The following CDC73 variants were observed in gnomAD, a reference collection of about 807,000 sequenced individuals.
The protein encoded by CDC73 is cell division cycle 73.
CDC73 carries 21 observed loss-of-function variants against 83.7 expected under a neutral mutation model. That is an observed-to-expected ratio of 0.25 (90% confidence interval 0.18 to 0.36). CDC73 has a LOEUF of 0.36. CDC73 is among the 10% of genes least tolerant of loss of function. CDC73 has a pLI of 1.00. For missense variants in CDC73, 342 were observed against 653.3 expected (o/e 0.52, Z 5.19); for synonymous variants, 224 against 212.9 (o/e 1.05, Z -0.45).
Position 193,233,172 on chromosome 1 carries a change from T to G in CDC73, c.1316+18T>G, listed in dbSNP as rs1034925815. ...CAAGACTGGTAAGATAGTCTCTATA[T>G]ATATATCTTTTCACAGGTGTTGAAC... On this transcript the variant is annotated intron_variant, in intron 14 of 16. Transcript: ENST00000367435. 1 of 1,595,526 alleles carries G rather than the reference T, an allele frequency of 6.3e-7. No homozygotes were observed. The highest frequency in any genetic ancestry group is 1.7e-5 in the Admixed American group (1 of 59,984).
At position 193,122,166 on chromosome 1, in the gene CDC73, G is replaced by C. The variant is rs771935630; in HGVS notation, c.-35G>C. On this transcript the variant is annotated 5_prime_UTR_variant, in exon 1 of 17. Transcript: ENST00000367435. ...AGGAGGCAGGCGCGGCGGCAGCGGC[G>C]GCGCCCCGAGCCGGCGGAGGCGAGG... 6.2e-7 allele frequency: 1 copy of C among 1,605,416 alleles called. No individual in the cohort carries two copies. The highest frequency in any genetic ancestry group is 8.5e-7 in the Non-Finnish European group (1 of 1,173,034).
intron 9 of CDC73, among the ~76,000 whole-genome samples, chr1:193,151,380 T>C (rs1022687734): frequency 1.3e-5 from 2 of 152,212 alleles, no homozygotes; most frequent in African/African-American, 4.8e-5. Context: ...TCTTGAGGAA[T>C]GAATTATATA....
At chr1:193,164,372 A>T (rs143989523) in intron 10 of CDC73, among the ~76,000 whole-genome samples, 19 of 152,326 alleles carry the variant, frequency 1.2e-4, no homozygotes, top group Middle Eastern at 6.8e-3. Context: ...GCCCAGAGAA[A>T]GGCTGAGAAA....
chr1:193,176,562 A>C (rs1342379438), intron 10 of CDC73, among the ~76,000 whole-genome samples: 2 of 152,204 alleles, frequency 1.3e-5, no homozygotes, highest in Non-Finnish European at 2.9e-5. Flanking sequence ...TTTCTATCCC[A>C]TTTTAGTATT....
At position 193,146,645 on chromosome 1, in the gene CDC73, G is replaced by C. The variant is rs72731072; in HGVS notation, c.730-1222G>C. Among the ~76,000 whole-genome samples, 743 of 152,204 alleles carry C rather than the reference G, an allele frequency of 4.9e-3. 2 individuals carry two copies. The highest frequency in any genetic ancestry group is 7.8e-3 in the Non-Finnish European group (527 of 67,998). On this transcript the variant is annotated intron_variant, in intron 7 of 16. Coordinates refer to ENST00000367435, the MANE Select transcript of CDC73 (RefSeq NM_024529.5). ...TGACCTACCTAATCACCTCCTAAAG[G>C]CTCCACCTCCTAATACTATTAGAAT...
chr1:193,134,219 A>G (rs937136194), intron 3 of CDC73, among the ~76,000 whole-genome samples: 10 of 152,152 alleles, frequency 6.6e-5, no homozygotes, highest in Admixed American at 5.2e-4. Context: ...CTATATGTAC[A>G]TTTATATATT....
At chr1:193,189,039 T>C (rs186519029) in intron 10 of CDC73, among the ~76,000 whole-genome samples, 20 of 151,860 alleles carry the variant, frequency 1.3e-4, no homozygotes, top group Admixed American at 3.9e-4. Flanking sequence ...CTGCAACCTC[T>C]GCTTCCCAGG....
intron 3 of CDC73, among the ~76,000 whole-genome samples, chr1:193,131,977 T>A (rs1336227256): frequency 6.6e-6 from 1 of 152,210 alleles, no homozygotes; most frequent in African/African-American, 2.4e-5. Context: ...AGAAGGTAAA[T>A]CCTAAGGGGA....
intron 10 of CDC73, among the ~76,000 whole-genome samples, chr1:193,175,494 C>T (rs546592151): frequency 4.1e-4 from 63 of 152,174 alleles, no homozygotes; most frequent in African/African-American, 5.5e-4. Context: ...ACTTCATATC[C>T]GTGGGTTCCA....
At chr1:193,175,999 TA>T (rs938078125) in intron 10 of CDC73, among the ~76,000 whole-genome samples, 5 of 152,230 alleles carry the variant, frequency 3.3e-5, no homozygotes, top group South Asian at 4.1e-4. Context: ...AGATTGTAGT[TA>T]TTTTTTTTTC....
At chr1:193,183,815 T>C (rs1038967676) in intron 10 of CDC73, among the ~76,000 whole-genome samples, 2 of 151,930 alleles carry the variant, frequency 1.3e-5, no homozygotes, top group East Asian at 3.8e-4. Flanking sequence ...TCTGCTGATA[T>C]GATAATACTT....
chr1:193,221,035 G>GTA (rs1168904013), intron 13 of CDC73, among the ~76,000 whole-genome samples: 1 of 152,134 alleles, frequency 6.6e-6, no homozygotes, highest in African/African-American at 2.4e-5. Context: ...CAGTCTGTCT[G>GTA]TAGTCTTTCC....
rs72722405 is a variant in CDC73, at chr1:193,166,262, G to A, written c.972+13818G>A. 3.9e-3 allele frequency among the ~76,000 whole-genome samples: 594 copies of A among 151,986 alleles called. 3 individuals carry two copies. The highest frequency in any genetic ancestry group is 0.015 in the Admixed American group (230 of 15,224). On this transcript the variant is annotated intron_variant, in intron 10 of 16. Transcript: ENST00000367435. ...AGCTCATTGCAGCCTTTATTTCCTGGGCTCAATCACTGCTCCCACCTCAGC... is the reference window on the plus strand; with the variant it reads ...AGCTCATTGCAGCCTTTATTTCCTGAGCTCAATCACTGCTCCCACCTCAGC...
At chr1:193,234,046 TAAG>T (rs1351047294) in intron 14 of CDC73, among the ~76,000 whole-genome samples, 2 of 150,020 alleles carry the variant, frequency 1.3e-5, no homozygotes, top group Non-Finnish European at 3.0e-5. Flanking sequence ...AAAATTTTCT[TAAG>T]AAAATTGCAA....
At chr1:193,149,970 G>T (rs1409989979) in intron 8 of CDC73, among the ~76,000 whole-genome samples, 1 of 152,156 alleles carries the variant, frequency 6.6e-6, no homozygotes, top group Non-Finnish European at 1.5e-5. Context: ...TTGCAGGGAA[G>T]AGTATTATGT....
intron 7 of CDC73, among the ~76,000 whole-genome samples, chr1:193,142,760 A>G (rs915897781): frequency 6.6e-6 from 1 of 152,160 alleles, no homozygotes; most frequent in Non-Finnish European, 1.5e-5. Flanking sequence ...GTATATAGCC[A>G]AAGGATTAAT....
At chr1:193,230,859 C>T (rs1031183543) in intron 13 of CDC73, among the ~76,000 whole-genome samples, 1 of 152,080 alleles carries the variant, frequency 6.6e-6, no homozygotes, top group African/African-American at 2.4e-5. Flanking sequence ...CTTATGTTTT[C>T]AAATGAGATC....
At chr1:193,170,437 A>G (rs1558296810) in intron 10 of CDC73, among the ~76,000 whole-genome samples, 2 of 152,102 alleles carry the variant, frequency 1.3e-5, no homozygotes, top group Non-Finnish European at 2.9e-5. Context: ...ACCTTTTTCT[A>G]CACAACTTTG....
At chr1:193,205,297 A>T (rs1481158698) in intron 11 of CDC73, among the ~76,000 whole-genome samples, 1 of 149,768 alleles carries the variant, frequency 6.7e-6, no homozygotes, top group Admixed American at 6.7e-5. Context: ...ACTTAACTGA[A>T]TCTTCTGCAT....
Sources: allele counts gnomAD v4.1 joint callset (sites outside exome capture counted in the v4.1 genomes callset), GRCh38; gene constraint gnomAD v4.1.1; transcripts MANE v1.5; gene names NCBI Gene and HGNC (gene_info 2026-07-23, HGNC 2026-07-21).